Variants in CHMP3 observed in about 807,000 individuals in gnomAD.
The protein encoded by CHMP3 is charged multivesicular body protein 3, also known as 25.1 protein.
In CHMP3, 8 loss-of-function variants were observed where a neutral mutation model predicts 27.4. The observed-to-expected ratio is 0.29, with a 90% CI of 0.17 to 0.53. The LOEUF (loss-of-function observed/expected upper bound fraction) is 0.53, where lower values mean the gene tolerates loss of function less well. Ranked by LOEUF, CHMP3 falls within the 20% of genes least tolerant of loss-of-function variation. The pLI, the probability that CHMP3 is intolerant of heterozygous loss-of-function variation, is 0.96. For synonymous variants in CHMP3, 86 were observed against 85.5 expected (o/e 1.01, Z -0.03); for missense variants, 208 against 271.5 (o/e 0.77, Z 1.64).
rs199845591 is a variant in CHMP3 at position 86,542,351 on chromosome 2, G to A, written c.46-39C>T. 1.1e-4 allele frequency: 181 copies of A among 1,577,318 alleles called. 1 individual carries two copies. Among genetic ancestry groups the A allele is most frequent in the South Asian group, 8.5e-4 (76 of 89,750 alleles). The stretch of plus-strand genomic sequence containing the variant: ...TAGAAAAGGAATGAGGAGAAAAGCC[G>A]AAACTCCTAACTCAATCTAATTTAA... On this transcript the variant is annotated intron_variant, in intron 1 of 5. Transcript: ENST00000263856.
intron 3 of CHMP3, among the ~76,000 whole-genome samples, chr2:86,528,267 C>G (rs1675791343): frequency 1.3e-5 from 2 of 152,176 alleles, no homozygotes; most frequent in South Asian, 4.1e-4. Context: ...TGAGTGTGAT[C>G]AATGAAGTAT....
intron 1 of CHMP3, among the ~76,000 whole-genome samples, chr2:86,550,134 G>A (rs866907051): frequency 9.8e-5 from 15 of 152,336 alleles, no homozygotes; most frequent in African/African-American, 2.6e-4. Context: ...CCAGCACCCC[G>A]GGAGGCCACG....
At position 86,505,911 on chromosome 2, in the gene CHMP3, G is replaced by A; in HGVS notation, c.562C>T (p.Leu188Phe). ...GKAPSKVTDA[L>F]PEPEPPGAMA... Reference sequence around the variant, plus strand: ...GCTCCTGGAGGTTCTGGCTCTGGAAGGGCATCAGTCACTTTACTGGGTGCT... The same window carrying A: ...GCTCCTGGAGGTTCTGGCTCTGGAAAGGCATCAGTCACTTTACTGGGTGCT... The change falls in exon 6 of 6, where the codon CTT (leucine) becomes TTT (phenylalanine). Residue 188 changes from leucine to phenylalanine, a missense_variant. Coordinates refer to ENST00000263856, the MANE Select transcript of CHMP3 (RefSeq NM_016079.4). The A allele has an allele frequency of 6.3e-7, 1 of 1,589,772 alleles. No homozygotes were observed. The highest frequency in any genetic ancestry group is 2.3e-5 in the East Asian group (1 of 43,188).
chr2:86,510,242 TTC>T, intron 4 of CHMP3, 114 bp downstream of exon 4: 1 of 1,452,404 alleles, frequency 6.9e-7, no homozygotes, highest in Non-Finnish European at 9.2e-7. Flanking sequence ...TTAAAATTAA[TTC>T]TGTCTAGCAG....
At chr2:86,551,889 A>C (rs963611603) in intron 1 of CHMP3, among the ~76,000 whole-genome samples, 1 of 152,212 alleles carries the variant, frequency 6.6e-6, no homozygotes, top group Non-Finnish European at 1.5e-5. Context: ...GTTCCATAAA[A>C]AGGCTTAGAA....
chr2:86,533,702 G>A (rs907859711), intron 2 of CHMP3, among the ~76,000 whole-genome samples: 12 of 152,118 alleles, frequency 7.9e-5, no homozygotes, highest in Middle Eastern at 3.4e-3. Context: ...ACAGGGTTTC[G>A]CCATGTTGCC....
chr2:86,509,346 C>T (rs1326251483), intron 4 of CHMP3, among the ~76,000 whole-genome samples: 2 of 152,200 alleles, frequency 1.3e-5, no homozygotes, highest in Non-Finnish European at 2.9e-5. Context: ...ACCCTCCTGA[C>T]CCAGTTCCTT....
intron 4 of CHMP3, among the ~76,000 whole-genome samples, chr2:86,509,258 ATCT>A (rs1374663029): frequency 1.3e-5 from 2 of 152,238 alleles, no homozygotes; most frequent in South Asian, 2.1e-4. Flanking sequence ...TCCAAGAATG[ATCT>A]TCTTATCTGG....
intron 2 of CHMP3, 41 bp downstream of exon 2, chr2:86,542,211 C>T: frequency 6.2e-7 from 1 of 1,602,014 alleles, no homozygotes; most frequent in Non-Finnish European, 8.5e-7. Context: ...GCAAAATATA[C>T]CAAGAGGGTG....
At chr2:86,533,383 GCTCT>G (rs1313224213) in intron 2 of CHMP3, among the ~76,000 whole-genome samples, 1 of 152,112 alleles carries the variant, frequency 6.6e-6, no homozygotes, top group African/African-American at 2.4e-5. Flanking sequence ...TTTTGTTAAT[GCTCT>G]CTATTCTTTT....
chr2:86,528,557 C>T (rs1179527677), intron 3 of CHMP3, among the ~76,000 whole-genome samples: 1 of 152,122 alleles, frequency 6.6e-6, no homozygotes, highest in Non-Finnish European at 1.5e-5. Context: ...CACTTGCTGC[C>T]ATTACCAAAG....
chr2:86,537,624 A>G (rs910203880), intron 2 of CHMP3, among the ~76,000 whole-genome samples: 1 of 152,192 alleles, frequency 6.6e-6, no homozygotes, highest in Non-Finnish European at 1.5e-5. Context: ...CCCAGGGCTC[A>G]TCAGGTTTGG....
intron 5 of CHMP3, chr2:86,507,037 T>C (rs543127645): frequency 6.6e-6 from 1 of 152,186 alleles, no homozygotes; most frequent in African/African-American, 2.4e-5. Flanking sequence ...TTTTTTAATA[T>C]ATATTTTTTT....
At chr2:86,560,475 C>T (rs56227180) in intron 1 of CHMP3, among the ~76,000 whole-genome samples, 29,004 of 151,660 alleles carry the variant, frequency 0.19, 3,647 homozygotes, top group African/African-American at 0.35. Flanking sequence ...AACCGAACAC[C>T]GCATGTTCTC....
rs767704615 is a variant in CHMP3, at chr2:86,510,497, C to T, written c.287-18G>A. The T allele has an allele frequency of 2.5e-6, 4 of 1,609,610 alleles. No individual in the cohort carries two copies. The highest frequency in any genetic ancestry group is 1.7e-5 in the Admixed American group (1 of 59,992). On this transcript the variant is annotated intron_variant, in intron 3 of 5. Coordinates refer to ENST00000263856, the MANE Select transcript of CHMP3 (RefSeq NM_016079.4). ...CAAGACCGCTGAAAGAGAATGTGTA[C>T]AGTCAGGATTGTTCAACAGGATGGA...
At chr2:86,558,377 T>TA (rs1288334773) in intron 1 of CHMP3, among the ~76,000 whole-genome samples, 2 of 152,258 alleles carry the variant, frequency 1.3e-5, no homozygotes, top group African/African-American at 4.8e-5. Flanking sequence ...CAGAGGCTCC[T>TA]AACATAGTTA....
intron 3 of CHMP3, among the ~76,000 whole-genome samples, chr2:86,525,651 G>T (rs1220183770): frequency 1.3e-5 from 2 of 151,866 alleles, no homozygotes; most frequent in African/African-American, 4.8e-5. Context: ...AGTGAAATTT[G>T]ACACCAAACC....
At chr2:86,538,888 T>C (rs1233190261) in intron 2 of CHMP3, among the ~76,000 whole-genome samples, 1 of 152,178 alleles carries the variant, frequency 6.6e-6, no homozygotes, top group Middle Eastern at 3.2e-3. Flanking sequence ...TACAGAAAAG[T>C]AAACATAACT....
intron 5 of CHMP3, among the ~76,000 whole-genome samples, chr2:86,506,338 A>AT (rs1368895439): frequency 1.3e-5 from 2 of 152,140 alleles, no homozygotes; most frequent in African/African-American, 2.4e-5. Context: ...AAACCCCACC[A>AT]TTTTTTTAAT....
Sources: gnomAD v4.1 joint callset for allele counts (sites outside exome capture counted in the v4.1 genomes callset) on GRCh38, gnomAD v4.1.1 for gene constraint, MANE v1.5 for transcripts, NCBI Gene and HGNC (gene_info 2026-07-23, HGNC 2026-07-21) for gene names.